QKI: variants seen among roughly 807,000 people sequenced by gnomAD.
QKI encodes the protein KH domain-containing RNA-binding protein QKI.
Under a neutral mutation model 39.0 loss-of-function variants are expected in QKI, and 10 were observed. The observed-to-expected ratio is 0.26, with a 90% confidence interval of 0.16 to 0.43. The LOEUF is 0.43. Ranked by LOEUF, QKI falls within the 20% of genes least tolerant of loss-of-function variation. QKI has a pLI of 1.00. For synonymous variants in QKI, 204 were observed against 155.4 expected, an observed-to-expected ratio of 1.31 and a Z score of -2.33; for missense variants, 218 against 428.0, an observed-to-expected ratio of 0.51 and a Z score of 4.33.
At chr6:163,560,502 T>C (rs1304751731) in intron 4 of QKI, among the ~76,000 whole-genome samples, 1 of 151,848 alleles carries the variant, frequency 6.6e-6, no homozygotes, top group African/African-American at 2.4e-5. Context: ...GGGATGGGGA[T>C]AGGTAGGATT....
intron 4 of QKI, among the ~76,000 whole-genome samples, chr6:163,555,095 CTTCAA>C (rs1266449940): frequency 1.3e-5 from 2 of 152,094 alleles, no homozygotes; most frequent in African/African-American, 2.4e-5. Context: ...ATTTGTTATT[CTTCAA>C]TTAAATTAGT....
At position 163,563,699 on chromosome 6, in the gene QKI, T is replaced by C. The variant is rs758038769; in HGVS notation, c.914T>C (p.Ile305Thr). 6.2e-7 allele frequency: 1 copy of C among 1,613,994 alleles called. No individual in the cohort carries two copies. Residue 305 changes from isoleucine (I) to threonine (T), a missense_variant, in exon 6 of 8, where the codon ATT (isoleucine) becomes ACT (threonine). Physicochemically the swap from Ile to Thr is moderately conservative, Grantham distance 89 (BLOSUM62 -1). Coordinates refer to ENST00000361752, the MANE Select transcript of QKI (RefSeq NM_006775.3). ...APATSILEYP[I>T]EPSGVLGAVA... ...GCTACATCAATCCTTGAGTATCCTA[T>C]TGAACCTAGTGGTGTATTAGGTAAG...
At chr6:163,481,771 A>G (rs752224582) in intron 3 of QKI, among the ~76,000 whole-genome samples, 15 of 152,206 alleles carry the variant, frequency 9.9e-5, no homozygotes, top group Non-Finnish European at 2.1e-4. Context: ...AGATCATGGA[A>G]CCAGGGCTTG....
intron 3 of QKI, among the ~76,000 whole-genome samples, chr6:163,487,267 G>A (rs564254969): frequency 6.6e-6 from 1 of 152,070 alleles, no homozygotes; most frequent in African/African-American, 2.4e-5. Flanking sequence ...CCATCACCCA[G>A]GGTCAGCATT....
intron 3 of QKI, among the ~76,000 whole-genome samples, chr6:163,515,340 G>A (rs2128236059): frequency 6.6e-6 from 1 of 151,980 alleles, no homozygotes; most frequent in Admixed American, 6.5e-5. Context: ...TTTTTAAGAA[G>A]GTCCTGTTTG....
At chr6:163,429,451 TATA>T (rs751715518) in intron 1 of QKI, among the ~76,000 whole-genome samples, 4 of 152,140 alleles carry the variant, frequency 2.6e-5, no homozygotes, top group Non-Finnish European at 4.4e-5. Context: ...TCTTTGCAAA[TATA>T]ATGTTTATAG....
chr6:163,501,503 A>C (rs193060032), intron 3 of QKI, among the ~76,000 whole-genome samples: 4 of 152,232 alleles, frequency 2.6e-5, no homozygotes, highest in African/African-American at 9.6e-5. Flanking sequence ...ATGAAAGGCA[A>C]TCATCTTACG....
At chr6:163,560,424 G>A (rs1427347503) in intron 4 of QKI, among the ~76,000 whole-genome samples, 1 of 152,164 alleles carries the variant, frequency 6.6e-6, no homozygotes, top group Non-Finnish European at 1.5e-5. Flanking sequence ...ACCACATTAA[G>A]TGAGGATCTA....
Position 163,431,373 on chromosome 6 carries a change from A to G in QKI, c.142+16038A>G, listed in dbSNP as rs542870306. On this transcript the variant is annotated intron_variant, in intron 1 of 7. Transcript: ENST00000361752. ...AAGATGTGCTGTTTTTTAAAAATGT[A>G]ATTCTCTAAATAAAAAAAATTAACA... 5.3e-5 allele frequency among the ~76,000 whole-genome samples: 8 copies of G among 152,300 alleles called. No homozygotes were observed. In the South Asian group the frequency reaches 1.2e-3, roughly 24 times the overall value.
rs1029945942 is a variant in QKI, at chr6:163,564,612, A to G, written c.934+893A>G. 9.9e-6 allele frequency: 16 copies of G among 1,612,892 alleles called. No homozygotes were observed. In the African/African-American group the frequency reaches 1.5e-4, roughly 15 times the overall value. On this transcript the variant is annotated intron_variant, in intron 6 of 7. Coordinates refer to ENST00000361752, the MANE Select transcript of QKI (RefSeq NM_006775.3). ...TCATAATATAAACGCTTGGTTTTACATGAACAAAAAGTGGTGTGCTCGAAA... is the reference window on the plus strand; with the variant it reads ...TCATAATATAAACGCTTGGTTTTACGTGAACAAAAAGTGGTGTGCTCGAAA...
chr6:163,530,565 C>T (rs1780786467), intron 3 of QKI, among the ~76,000 whole-genome samples: 1 of 152,162 alleles, frequency 6.6e-6, no homozygotes, highest in Non-Finnish European at 1.5e-5. Flanking sequence ...TGCAAACTCA[C>T]TGAAGGAATT....
At chr6:163,415,415 C>G in intron 1 of QKI, 80 bp downstream of exon 1, 7 of 920,444 alleles carry the variant, frequency 7.6e-6, no homozygotes, top group East Asian at 6.0e-5. Context: ...GTGGGGAGGG[C>G]GGGAAGGTCA....
intron 4 of QKI, among the ~76,000 whole-genome samples, chr6:163,552,445 CAT>C (rs955327499): frequency 6.6e-6 from 1 of 152,108 alleles, no homozygotes; most frequent in African/African-American, 2.4e-5. Context: ...CTCCTGACCT[CAT>C]GATCTACCTA....
At chr6:163,546,809 T>C (rs1296387621) in intron 4 of QKI, among the ~76,000 whole-genome samples, 1 of 152,084 alleles carries the variant, frequency 6.6e-6, no homozygotes. Flanking sequence ...TGAAAGTGAC[T>C]ATTAAATTAT....
chr6:163,429,652 G>A (rs896719069), intron 1 of QKI, among the ~76,000 whole-genome samples: 2 of 152,098 alleles, frequency 1.3e-5, no homozygotes, highest in African/African-American at 4.8e-5. Flanking sequence ...TTTTTGCAAT[G>A]CAGTTAATCT....
chr6:163,415,781 G>T (rs1362765340), intron 1 of QKI: 1 of 381,554 alleles, frequency 2.6e-6, no homozygotes, highest in Non-Finnish European at 5.2e-6. Context: ...GGCCTCCCGA[G>T]CCTGCTCTGC....
intron 1 of QKI, among the ~76,000 whole-genome samples, chr6:163,425,497 A>G (rs1048981138): frequency 1.3e-5 from 2 of 152,236 alleles, no homozygotes; most frequent in African/African-American, 4.8e-5. Context: ...GAGAATGTAT[A>G]CAATATATAT....
intron 4 of QKI, among the ~76,000 whole-genome samples, chr6:163,549,158 CGAA>C (rs1198403978): frequency 1.3e-5 from 2 of 151,236 alleles, no homozygotes; most frequent in Admixed American, 6.6e-5. Flanking sequence ...GAGTGCCGAG[CGAA>C]GAAGATTTGA....
rs1289702129 is a variant in QKI, at chr6:163,571,316, A to T, written c.*606A>T. ...TGCCTGCCAAAATTTGAAGTATTAGAAGAAAGTGTGCCATGAGAGAAAAAC... is the reference window on the plus strand; with the variant it reads ...TGCCTGCCAAAATTTGAAGTATTAGTAGAAAGTGTGCCATGAGAGAAAAAC... On this transcript the variant is annotated 3_prime_UTR_variant, in exon 8 of 8. Transcript: ENST00000361752. 6.6e-6 allele frequency: 1 copy of T among 152,202 alleles called. No homozygotes were observed. Among genetic ancestry groups the T allele is most frequent in the African/African-American group, 2.4e-5 (1 of 41,436 alleles). 9.4% of individuals were successfully genotyped at this position (152,202 alleles called of 1,614,324 possible).
Sources: gnomAD v4.1 joint callset for allele counts (sites outside exome capture counted in the v4.1 genomes callset) on GRCh38, gnomAD v4.1.1 for gene constraint, MANE v1.5 for transcripts, NCBI Gene and HGNC (gene_info 2026-07-23, HGNC 2026-07-21) for gene names.